SLC7A5: variants seen among roughly 807,000 people sequenced by gnomAD.
SLC7A5 encodes the protein large neutral amino acids transporter small subunit 1.
In SLC7A5, 23 loss-of-function variants were observed where a neutral mutation model predicts 50.2. The observed-to-expected ratio is 0.46, with a 90% CI of 0.33 to 0.65. SLC7A5 has a LOEUF of 0.65. Ranked by LOEUF, SLC7A5 falls within the 30% of genes least tolerant of loss-of-function variation. SLC7A5 has a pLI of 0.02. For missense variants in SLC7A5, 578 were observed against 684.4 expected (o/e 0.84, Z 1.73); for synonymous variants, 393 against 330.6 (o/e 1.19, Z -2.05).
intron 1 of SLC7A5, among the ~76,000 whole-genome samples, chr16:87,854,459 G>C (rs1248670755): frequency 6.6e-6 from 1 of 152,214 alleles, no homozygotes; most frequent in Non-Finnish European, 1.5e-5. Context: ...ACCTTAAGGA[G>C]GCGAGGCAGT....
rs905029534 is a variant in SLC7A5, at chr16:87,833,202, C to T, written c.1469-177G>A. Among the ~76,000 whole-genome samples, 9 of 152,204 alleles carry T rather than the reference C, an allele frequency of 5.9e-5. No individual in the cohort carries two copies. Among genetic ancestry groups the T allele is most frequent in the East Asian group, 1.9e-4 (1 of 5,192 alleles). On this transcript the variant is annotated intron_variant, in intron 9 of 9. Transcript: ENST00000261622. This position sits in a 1 kb window ranked among gnomAD's most constrained non-coding sequence, Gnocchi z 6.0. ...CTTGCGCATGTGGGTGCCGGGTGCC[C>T]GAGGCGCTGTCTTCAACTGAAATGC...
chr16:87,839,286 C>T (rs899868792), intron 5 of SLC7A5, among the ~76,000 whole-genome samples: 1 of 152,186 alleles, frequency 6.6e-6, no homozygotes, highest in Non-Finnish European at 1.5e-5. Context: ...CCGGTGACAC[C>T]GCCCGGGCCT....
Position 87,834,504 on chromosome 16 carries a change from T to TGCCACAC in SLC7A5, c.1371_1377dup (p.Ile460ValfsTer69). 1.9e-6 allele frequency: 3 copies of TGCCACAC among 1,591,306 alleles called. No individual in the cohort carries two copies. The highest frequency in any genetic ancestry group is 2.6e-6 in the Non-Finnish European group (3 of 1,170,214). On this transcript the variant is annotated frameshift_variant, in exon 9 of 10. Transcript: ENST00000261622. LOFTEE classifies it high-confidence loss of function. ...CCGCTGAGGATGATGGTGAAGCCGA[T>TGCCACAC]GCCACACTCCACGGGTGTCTTCCAG...
chr16:87,840,113 G>T (rs1483463629), intron 4 of SLC7A5, among the ~76,000 whole-genome samples: 1 of 152,230 alleles, frequency 6.6e-6, no homozygotes, highest in Non-Finnish European at 1.5e-5. Context: ...GTTAAGTCAG[G>T]CCACCTGGTC....
rs1168591104 is a variant in SLC7A5, at chr16:87,830,420, C to T, written c.*2550G>A. 6.6e-6 allele frequency: 1 copy of T among 152,280 alleles called. No individual in the cohort carries two copies. The highest frequency in any genetic ancestry group is 1.5e-5 in the Non-Finnish European group (1 of 68,050). The allele number at this position is 152,280 out of a possible 1,614,324, so 9.4% of individuals were successfully genotyped here. ...AACACCTGAAGCCCACAAGTGGAAA[C>T]CGCTGGGGACGTTTGTCAGTGGAGT... On this transcript the variant is annotated 3_prime_UTR_variant, in exon 10 of 10. Transcript: ENST00000261622.
intron 2 of SLC7A5, among the ~76,000 whole-genome samples, chr16:87,847,123 G>A (rs1159445382): frequency 6.6e-6 from 1 of 152,188 alleles, no homozygotes; most frequent in Non-Finnish European, 1.5e-5. Context: ...ATGGGTCCAC[G>A]CACACACTCA....
At chr16:87,855,127 T>G (rs8064148) in intron 1 of SLC7A5, among the ~76,000 whole-genome samples, 1 of 151,788 alleles carries the variant, frequency 6.6e-6, no homozygotes, top group East Asian at 1.9e-4. Context: ...GCAGGAGGGA[T>G]TGGGGACGCG....
chr16:87,836,353 C>G, intron 8 of SLC7A5, 145 bp downstream of exon 8: 2 of 893,654 alleles, frequency 2.2e-6, no homozygotes, highest in East Asian at 2.6e-5. Context: ...CAAGTCATCA[C>G]CGGAATTAGT....
At chr16:87,867,110 G>T (rs1213710111) in intron 1 of SLC7A5, among the ~76,000 whole-genome samples, 1 of 152,076 alleles carries the variant, frequency 6.6e-6, no homozygotes, top group Admixed American at 6.6e-5. Context: ...AGTAGAGATG[G>T]GGTTTCACCA....
Position 87,841,250 on chromosome 16 carries a change from A to G in SLC7A5, c.665-95T>C, listed in dbSNP as rs16943323. ...ATGTTCCTGGAGCAAAATACATAGCAAACAAAAATGCTGGAGTGAAGGCTT... is the reference window on the plus strand; with the variant it reads ...ATGTTCCTGGAGCAAAATACATAGCGAACAAAAATGCTGGAGTGAAGGCTT... On this transcript the variant is annotated intron_variant, in intron 2 of 9. Coordinates refer to ENST00000261622, the MANE Select transcript of SLC7A5 (RefSeq NM_003486.7). This position sits in a 1 kb window ranked among gnomAD's most constrained non-coding sequence, Gnocchi z 4.8. 4.0e-3 allele frequency: 3,294 copies of G among 824,028 alleles called. 81 individuals carry two copies. The African/African-American group carries it at 0.05, about 13-fold the overall frequency. 51.0% of individuals were successfully genotyped at this position (824,028 alleles called of 1,614,324 possible). A position where few individuals can be genotyped will look rare whatever the true frequency, so the allele number is the denominator to read the frequency against.
chr16:87,832,949 G>A lies in SLC7A5; in HGVS notation c.*21C>T, dbSNP rs550600125. ...AACTGGCCTCTGCGCATGCTCCTCC[G>A]GCAGCCACTCGGCCTCCTGGCTATG... On this transcript the variant is annotated 3_prime_UTR_variant, in exon 10 of 10. Coordinates refer to ENST00000261622, the MANE Select transcript of SLC7A5 (RefSeq NM_003486.7). The surrounding 1 kb of genome is among the most constrained non-coding windows in gnomAD (Gnocchi z 4.6). 4.6e-5 allele frequency: 74 copies of A among 1,607,138 alleles called. No homozygotes were observed. The highest frequency in any genetic ancestry group is 9.3e-5 in the African/African-American group (7 of 74,874).
chr16:87,840,072 T>G (rs1567490147), intron 4 of SLC7A5, among the ~76,000 whole-genome samples: 1 of 152,144 alleles, frequency 6.6e-6, no homozygotes. Flanking sequence ...GAAATGGGGA[T>G]TCTTCGGGGT....
rs376681119 is a variant in SLC7A5 at position 87,849,037 on chromosome 16, C to A, written c.664+2687G>T. On this transcript the variant is annotated intron_variant, in intron 2 of 9. Coordinates refer to ENST00000261622, the MANE Select transcript of SLC7A5 (RefSeq NM_003486.7). ...CCAATGGAGCAGGGCACCCAGGGTG[C>A]GGGACAGGCAGGAACAGGTGCGTGG... Among the ~76,000 whole-genome samples the A allele has an allele frequency of 3.1e-4, 47 of 152,346 alleles. No individual in the cohort carries two copies. The East Asian group carries it at 7.1e-3, about 23-fold the overall frequency.
Position 87,852,636 on chromosome 16 carries a change from C to CTGTGTGTGTG in SLC7A5, c.539-788_539-787insCACACACACA, listed in dbSNP as rs1491292186. The stretch of plus-strand genomic sequence containing the variant: ...CCCTGTAAGGCACCCAGCTCTGAGC[C>CTGTGTGTGTG]TCTGTGTGTGTGTGTGTGTGTGTGT... On this transcript the variant is annotated intron_variant, in intron 1 of 9. Coordinates refer to ENST00000261622, the MANE Select transcript of SLC7A5 (RefSeq NM_003486.7). The surrounding 1 kb of genome is among the most constrained non-coding windows in gnomAD (Gnocchi z 4.5). Among the ~76,000 whole-genome samples, 10 of 97,438 alleles carry CTGTGTGTGTG rather than the reference C, an allele frequency of 1.0e-4. No homozygotes were observed. The highest frequency in any genetic ancestry group is 6.2e-4 in the East Asian group (1 of 1,602). 63.9% of individuals were successfully genotyped at this position (97,438 alleles called of 152,430 possible).
rs370835904 is a variant in SLC7A5 at position 87,860,341 on chromosome 16, T to TACACACACACAC, written c.539-8504_539-8493dup. Among the ~76,000 whole-genome samples, 6 of 86,184 alleles carry TACACACACACAC rather than the reference T, an allele frequency of 7.0e-5. No individual in the cohort carries two copies. The East Asian group carries it at 1.4e-3, about 20-fold the overall frequency. 56.5% of individuals were successfully genotyped at this position (86,184 alleles called of 152,430 possible). On this transcript the variant is annotated intron_variant, in intron 1 of 9. Transcript: ENST00000261622. The surrounding 1 kb of genome is among the most constrained non-coding windows in gnomAD (Gnocchi z 4.8). ...AAAGCATCTCAAAAAAAAAAAAAAA[T>TACACACACACAC]ACACACACACACACACACACACACA...
At chr16:87,844,703 C>T (rs952273633) in intron 2 of SLC7A5, among the ~76,000 whole-genome samples, 4 of 152,222 alleles carry the variant, frequency 2.6e-5, no homozygotes, top group African/African-American at 7.2e-5. Context: ...TCAGGGCTGA[C>T]GGGCCCCTGC....
intron 1 of SLC7A5, among the ~76,000 whole-genome samples, chr16:87,856,403 C>G (rs1465795937): frequency 6.6e-6 from 1 of 152,216 alleles, no homozygotes; most frequent in African/African-American, 2.4e-5. Flanking sequence ...TTCCAGGAAG[C>G]CCAGGCAGCC....
rs113214870 is a variant in SLC7A5, at chr16:87,862,253, T to C, written c.538+6632A>G. ...TGGTGCTGGACACCCAGGGGGCAGA[T>C]AGAGGCAGCCAGGCAGCCTGAAGAC... On this transcript the variant is annotated intron_variant, in intron 1 of 9. Coordinates refer to ENST00000261622, the MANE Select transcript of SLC7A5 (RefSeq NM_003486.7). This position sits in a 1 kb window ranked among gnomAD's most constrained non-coding sequence, Gnocchi z 5.3. 0.027 allele frequency among the ~76,000 whole-genome samples: 4,144 copies of C among 152,142 alleles called. 188 individuals carry two copies. Among genetic ancestry groups the C allele is most frequent in the African/African-American group, 0.094 (3,895 of 41,468 alleles).
intron 1 of SLC7A5, 44 bp from the exon 2 acceptor site, chr16:87,851,893 C>A: frequency 6.2e-7 from 1 of 1,611,486 alleles, no homozygotes; most frequent in Non-Finnish European, 8.5e-7. Flanking sequence ...GGCAGACAGA[C>A]GCCAGCTCAG....
Sources: allele counts gnomAD v4.1 joint callset (sites outside exome capture counted in the v4.1 genomes callset), GRCh38; gene constraint gnomAD v4.1.1; non-coding constraint Gnocchi (gnomAD v3.1); transcripts MANE v1.5; gene names NCBI Gene and HGNC (gene_info 2026-07-23, HGNC 2026-07-21).